The following GRID2 variants were observed in gnomAD, a reference collection of about 807,000 sequenced individuals.
GRID2 encodes the protein glutamate ionotropic receptor delta type subunit 2.
In GRID2, 33 loss-of-function variants were observed where a neutral mutation model predicts 114.8. That is an observed-to-expected ratio of 0.29 (90% CI 0.22 to 0.38). The LOEUF (loss-of-function observed/expected upper bound fraction) is 0.38, where lower values mean the gene tolerates loss of function less well. Ranked by LOEUF, GRID2 falls within the 10% of genes least tolerant of loss-of-function variation. The pLI, the probability that GRID2 is intolerant of heterozygous loss-of-function variation, is 1.00. For missense variants in GRID2, 1,184 were observed against 1,257.7 expected, an observed-to-expected ratio of 0.94 and a Z score of 0.89; for synonymous variants, 505 against 449.9, an observed-to-expected ratio of 1.12 and a Z score of -1.55.
chr4:92,372,070 G>A (rs919768841), intron 1 of GRID2, among the ~76,000 whole-genome samples: 2 of 152,126 alleles, frequency 1.3e-5, no homozygotes, highest in African/African-American at 2.4e-5. Context: ...TGAATGAATC[G>A]CTGCAATCTC....
At chr4:92,406,497 A>G (rs1286213697) in intron 1 of GRID2, among the ~76,000 whole-genome samples, 7 of 152,094 alleles carry the variant, frequency 4.6e-5, no homozygotes, top group Non-Finnish European at 1.5e-5. Context: ...CAATGGGGAC[A>G]TTGTGTCTCT....
At chr4:93,328,111 C>A (rs1004346530) in intron 8 of GRID2, among the ~76,000 whole-genome samples, 5 of 145,882 alleles carry the variant, frequency 3.4e-5, no homozygotes, top group Non-Finnish European at 7.5e-5. Context: ...GAGCAAGACT[C>A]CGTCTCAAAA....
chr4:93,808,925 C>T (rs1735082100), exon 2 of GRID2: 1 of 152,298 alleles, frequency 6.6e-6, no homozygotes, highest in African/African-American at 2.4e-5. Context: ...GACTGCCTGA[C>T]CTGTGATAAT....
chr4:92,577,816 G>A (rs1727969742), intron 1 of GRID2, among the ~76,000 whole-genome samples: 1 of 152,044 alleles, frequency 6.6e-6, no homozygotes, highest in Admixed American at 6.6e-5. Flanking sequence ...TTGTGTAAAG[G>A]TATGGTGGGC....
At chr4:93,217,640 C>T (rs17020267) in intron 6 of GRID2, among the ~76,000 whole-genome samples, 10,070 of 151,672 alleles carry the variant, frequency 0.066, 416 homozygotes, top group East Asian at 0.19. Flanking sequence ...AGGACAACAG[C>T]AGGGAGCCTT....
intron 1 of GRID2, among the ~76,000 whole-genome samples, chr4:92,555,092 G>A (rs536420608): frequency 6.6e-6 from 1 of 152,294 alleles, no homozygotes; most frequent in African/African-American, 2.4e-5. Context: ...AGAGTTGCAT[G>A]AGTTTGCAGG....
chr4:93,356,833 T>A (rs1340068986), intron 8 of GRID2, among the ~76,000 whole-genome samples: 1 of 151,888 alleles, frequency 6.6e-6, no homozygotes, highest in Non-Finnish European at 1.5e-5. Context: ...ACATTTACAT[T>A]ATTTTGCAAT....
In GRID2 at chr4:92,775,136, G is replaced by C. The variant is rs565098539; in HGVS notation, c.244+184850G>C. 3.9e-5 allele frequency among the ~76,000 whole-genome samples: 6 copies of C among 152,206 alleles called. No individual in the cohort carries two copies. The South Asian group carries it at 1.2e-3, about 32-fold the overall frequency. ...TTTAGTAAACCCTGAGTTATCATTA[G>C]AGTTAGTGTTACCTTCATTTTCTTC... On this transcript the variant is annotated intron_variant, in intron 2 of 15. Coordinates refer to ENST00000282020, the MANE Select transcript of GRID2 (RefSeq NM_001510.4).
chr4:93,089,020 A>G (rs1730560629), intron 3 of GRID2, among the ~76,000 whole-genome samples: 1 of 151,884 alleles, frequency 6.6e-6, no homozygotes, highest in Non-Finnish European at 1.5e-5. Context: ...TATCTCGTTT[A>G]CTCCTCATAA....
chr4:93,532,880 A>G lies in GRID2; in HGVS notation c.2193+17469A>G, dbSNP rs185267680. On this transcript the variant is annotated intron_variant, in intron 13 of 15. Coordinates refer to ENST00000282020, the MANE Select transcript of GRID2 (RefSeq NM_001510.4). ...TTTCTAACCCTGCACTCCTAACAAC[A>G]TTTCACAGTATTTTGCATATTATTT... is the stretch of plus-strand genomic sequence containing the variant. Among the ~76,000 whole-genome samples the G allele has an allele frequency of 3.4e-3, 520 of 152,234 alleles. 2 individuals carry two copies. Among genetic ancestry groups the G allele is most frequent in the Non-Finnish European group, 5.1e-3 (350 of 68,002 alleles).
intron 1 of GRID2, among the ~76,000 whole-genome samples, chr4:92,316,341 G>A (rs1725979850): frequency 6.6e-6 from 1 of 152,164 alleles, no homozygotes; most frequent in African/African-American, 2.4e-5. Context: ...TAATGTGGGT[G>A]ATGCTTCATC....
At position 92,438,784 on chromosome 4, in the gene GRID2, A is replaced by G. The variant is rs1312077016; in HGVS notation, c.88+134040A>G. ...CTTTGATCTGATATAACCCTCAAGA[A>G]GAAAATCTGTAGATACATGAATGCT... On this transcript the variant is annotated intron_variant, in intron 1 of 15. Transcript: ENST00000282020. 2.0e-5 allele frequency among the ~76,000 whole-genome samples: 3 copies of G among 152,224 alleles called. No individual in the cohort carries two copies. In the East Asian group the frequency reaches 5.8e-4, roughly 29 times the overall value.
chr4:93,414,226 G>A (rs1767484217), intron 9 of GRID2, among the ~76,000 whole-genome samples: 1 of 152,050 alleles, frequency 6.6e-6, no homozygotes, highest in Admixed American at 6.6e-5. Flanking sequence ...TATTGCAAAA[G>A]GCTCCTAATT....
intron 3 of GRID2, among the ~76,000 whole-genome samples, chr4:93,091,880 G>C (rs1399951938): frequency 6.6e-6 from 1 of 152,114 alleles, no homozygotes; most frequent in East Asian, 1.9e-4. Flanking sequence ...CTGCCACACA[G>C]GCTGCTCTGG....
chr4:93,441,663 A>C (rs934866938), intron 10 of GRID2, among the ~76,000 whole-genome samples: 3 of 151,932 alleles, frequency 2.0e-5, no homozygotes, highest in Admixed American at 2.0e-4. Flanking sequence ...AACTTGACAT[A>C]CAAATATTCA....
intron 10 of GRID2, among the ~76,000 whole-genome samples, chr4:93,435,595 T>C (rs1721006260): frequency 6.6e-6 from 1 of 152,198 alleles, no homozygotes; most frequent in African/African-American, 2.4e-5. Flanking sequence ...ACCCAGATGC[T>C]ATTCTAAAGC....
At chr4:92,646,837 A>G (rs1476531056) in intron 2 of GRID2, among the ~76,000 whole-genome samples, 1 of 151,980 alleles carries the variant, frequency 6.6e-6, no homozygotes. Flanking sequence ...CTCCTGAATT[A>G]GTAAATGCTG....
intron 2 of GRID2, among the ~76,000 whole-genome samples, chr4:92,949,647 A>G (rs1272674262): frequency 1.3e-5 from 2 of 151,460 alleles, no homozygotes; most frequent in Non-Finnish European, 2.9e-5. Flanking sequence ...TTCAGGTAGA[A>G]TTTGGTAGGC....
At chr4:93,114,908 A>G (rs553459405) in intron 4 of GRID2, among the ~76,000 whole-genome samples, 2 of 152,324 alleles carry the variant, frequency 1.3e-5, no homozygotes, top group South Asian at 4.1e-4. Flanking sequence ...AGAAAATTCT[A>G]TAATAATGAT....
Sources: gnomAD v4.1 joint callset for allele counts (sites outside exome capture counted in the v4.1 genomes callset) on GRCh38, gnomAD v4.1.1 for gene constraint, MANE v1.5 for transcripts, NCBI Gene and HGNC (gene_info 2026-07-23, HGNC 2026-07-21) for gene names.